MIER1: variants seen among roughly 807,000 people sequenced by gnomAD.
MIER1 encodes MIER1 transcriptional regulator.
MIER1 carries 40 observed loss-of-function variants against 75.7 expected under a neutral mutation model. The ratio of observed to expected loss-of-function variants is 0.53; its 90% CI spans 0.41 to 0.69. MIER1 has a LOEUF of 0.69. MIER1 is among the 30% of genes least tolerant of loss of function. MIER1 has a pLI of 0.00. For synonymous variants in MIER1, 213 were observed against 223.4 expected (o/e 0.95, Z 0.42); for missense variants, 574 against 680.2 (o/e 0.84, Z 1.74).
In MIER1 at chr1:66,927,880, A is replaced by G. The variant is rs1039060278; in HGVS notation, c.168+1638A>G. On this transcript the variant is annotated intron_variant, in intron 2 of 13. Transcript: ENST00000401041. ...AGGTCCCATCCAACACTAAAATTCT[A>G]TAACTAGTGAATAGTTAATTTTTAT... Among the ~76,000 whole-genome samples, 3 of 152,106 alleles carry G rather than the reference A, an allele frequency of 2.0e-5. No homozygotes were observed. The East Asian group carries it at 5.8e-4, about 29-fold the overall frequency.
intron 7 of MIER1, among the ~76,000 whole-genome samples, chr1:66,961,738 G>A (rs1468957444): frequency 6.6e-6 from 1 of 152,128 alleles, no homozygotes; most frequent in African/African-American, 2.4e-5. Context: ...TTCTTTGGTA[G>A]GCCTAGGTGA....
In MIER1 at chr1:66,985,110, T is replaced by C. The variant is rs1666610056; in HGVS notation, c.*210T>C. The C allele has an allele frequency of 8.2e-7, 1 of 1,223,350 alleles. No homozygotes were observed. The highest frequency in any genetic ancestry group is 1.0e-6 in the Non-Finnish European group (1 of 972,572). 75.8% of individuals were successfully genotyped at this position (1,223,350 alleles called of 1,614,324 possible). On this transcript the variant is annotated 3_prime_UTR_variant, in exon 14 of 14. Transcript: ENST00000401041. ...GACTCTTTTAAGGGTATTTTAAAAATTAGTAAATTTGAATGAACTAAAGAT... is the reference window on the plus strand; with the variant it reads ...GACTCTTTTAAGGGTATTTTAAAAACTAGTAAATTTGAATGAACTAAAGAT...
At chr1:66,962,814 A>T (rs1661524225) in intron 7 of MIER1, among the ~76,000 whole-genome samples, 1 of 152,082 alleles carries the variant, frequency 6.6e-6, no homozygotes, top group African/African-American at 2.4e-5. Context: ...TTACTAATGG[A>T]ATTATCAGAA....
chr1:66,946,595 T>G (rs967987678), intron 4 of MIER1: 2 of 1,039,240 alleles, frequency 1.9e-6, no homozygotes. Context: ...CACGGCCTCA[T>G]ATATCCTTTG....
At chr1:66,932,360 C>A (rs1016387628) in intron 2 of MIER1, among the ~76,000 whole-genome samples, 1 of 152,124 alleles carries the variant, frequency 6.6e-6, no homozygotes, top group Admixed American at 6.5e-5. Flanking sequence ...GACCTGGTAT[C>A]TTTAAACAAT....
intron 2 of MIER1, among the ~76,000 whole-genome samples, chr1:66,928,275 A>G (rs1652297627): frequency 6.6e-6 from 1 of 152,062 alleles, no homozygotes; most frequent in Non-Finnish European, 1.5e-5. Flanking sequence ...TCAGACTTCC[A>G]TTTTCCTGAC....
At chr1:66,959,065 CTT>C in intron 6 of MIER1, 82 bp downstream of exon 6, 1 of 1,146,364 alleles carries the variant, frequency 8.7e-7, no homozygotes, top group Admixed American at 2.1e-5. Context: ...TTAAACTGGT[CTT>C]TGAATTCATT....
chr1:66,943,678 C>T (rs1449041505), intron 3 of MIER1, among the ~76,000 whole-genome samples: 1 of 152,054 alleles, frequency 6.6e-6, no homozygotes, highest in Non-Finnish European at 1.5e-5. Flanking sequence ...CCTTGGCCTC[C>T]TAAAGTGCTG....
At chr1:66,970,989 T>G in intron 9 of MIER1, 30 bp downstream of exon 9, 1 of 1,553,726 alleles carries the variant, frequency 6.4e-7, no homozygotes, top group Non-Finnish European at 8.6e-7. Context: ...GTTAGAACTT[T>G]GCCATACACA....
chr1:66,955,075 A>G (rs960180402), intron 4 of MIER1, among the ~76,000 whole-genome samples: 5 of 152,164 alleles, frequency 3.3e-5, no homozygotes, highest in African/African-American at 1.2e-4. Context: ...AAAAACCTTA[A>G]TCTATGATTG....
chr1:66,946,428 ATAGGTGGGATATT>A (rs1558045009), intron 4 of MIER1, 133 bp downstream of exon 4: 18 of 1,381,554 alleles, frequency 1.3e-5, no homozygotes, highest in Non-Finnish European at 1.7e-5. Flanking sequence ...TTGTGTGATC[ATAGGTGGGATATT>A]TAAAGTTTGA....
intron 4 of MIER1, chr1:66,947,168 T>G (rs959508697): frequency 5.2e-6 from 1 of 192,882 alleles, no homozygotes; most frequent in Non-Finnish European, 9.5e-6. Context: ...ATTAAGTAAG[T>G]TGGCATTATA....
At chr1:66,925,954 C>G (rs1651636419) in intron 1 of MIER1, among the ~76,000 whole-genome samples, 188 bp from the exon 2 acceptor site, 1 of 152,142 alleles carries the variant, frequency 6.6e-6, no homozygotes, top group South Asian at 2.1e-4. Flanking sequence ...TATTGGGTCG[C>G]TTTTATTCCT....
chr1:66,940,030 A>G lies in MIER1; in HGVS notation c.171A>G (p.Pro57=), dbSNP rs774468232. 1.1e-5 allele frequency: 17 copies of G among 1,605,188 alleles called. No homozygotes were observed. Among genetic ancestry groups the G allele is most frequent in the Non-Finnish European group, 1.4e-5 (16 of 1,172,722 alleles). Residue 57 remains proline, a splice_region_variant and synonymous_variant, in exon 3 of 14, where the codon CCA becomes CCG. Coordinates refer to ENST00000401041, the MANE Select transcript of MIER1 (RefSeq NM_001077700.3). ...TTCCTCTTTTCTCCCCTTCTCAGCC[A>G]TCTGTTGAATCTTCAAGTCCAGGTA... ...FNADKTDVML[P]SVESSSPGGS...
intron 7 of MIER1, among the ~76,000 whole-genome samples, chr1:66,962,412 A>G (rs907346911): frequency 6.6e-6 from 1 of 152,140 alleles, no homozygotes; most frequent in African/African-American, 2.4e-5. Flanking sequence ...TGTTTTTCAG[A>G]CTTCAGTCTA....
chr1:66,945,467 A>C (rs1472197113), intron 3 of MIER1, among the ~76,000 whole-genome samples: 1 of 151,972 alleles, frequency 6.6e-6, no homozygotes, highest in Non-Finnish European at 1.5e-5. Context: ...TGTTGGTTGA[A>C]TCCACATACA....
intron 3 of MIER1, among the ~76,000 whole-genome samples, chr1:66,942,041 ATTTC>A (rs1251730316): frequency 6.6e-6 from 1 of 151,174 alleles, no homozygotes; most frequent in East Asian, 1.9e-4. Context: ...GAATGTTTAT[ATTTC>A]TTCAGCTTGT....
At chr1:66,930,951 T>C (rs1342393639) in intron 2 of MIER1, among the ~76,000 whole-genome samples, 3 of 152,132 alleles carry the variant, frequency 2.0e-5, no homozygotes, top group Non-Finnish European at 2.9e-5. Context: ...GCCCTCCAGG[T>C]TGGGGGGAGT....
At chr1:66,925,180 T>C in intron 1 of MIER1, 85 bp downstream of exon 1, 4 of 1,475,506 alleles carry the variant, frequency 2.7e-6, no homozygotes, top group Non-Finnish European at 3.6e-6. Flanking sequence ...GTCCCCTTTC[T>C]CTCCTTCCCC....
Sources: allele counts gnomAD v4.1 joint callset (sites outside exome capture counted in the v4.1 genomes callset), GRCh38; gene constraint gnomAD v4.1.1; transcripts MANE v1.5; gene names NCBI Gene and HGNC (gene_info 2026-07-23, HGNC 2026-07-21).